The following RAF1 variants were observed in gnomAD, a reference collection of about 807,000 sequenced individuals.
RAF1 encodes Raf-1 proto-oncogene, serine/threonine kinase.
Under a neutral mutation model 81.1 loss-of-function variants are expected in RAF1, and 27 were observed. The observed-to-expected ratio is 0.33, with a 90% confidence interval of 0.25 to 0.46. The LOEUF is 0.46. Ranked by LOEUF, RAF1 falls within the 20% of genes least tolerant of loss-of-function variation. RAF1 has a pLI of 1.00. For synonymous variants in RAF1, 298 were observed against 294.0 expected (o/e 1.01, Z -0.14); for missense variants, 598 against 826.0 (o/e 0.72, Z 3.38).
chr3:12,611,820 CTT>C (rs1288652827), intron 3 of RAF1, 128 bp downstream of exon 3: 2 of 748,562 alleles, frequency 2.7e-6, no homozygotes, highest in East Asian at 2.6e-5. Flanking sequence ...TGAATTATCT[CTT>C]TATAAAGAAA....
intron 1 of RAF1, among the ~76,000 whole-genome samples, chr3:12,648,410 A>C (rs995813111): frequency 3.9e-5 from 6 of 152,284 alleles, no homozygotes; most frequent in African/African-American, 1.4e-4. Flanking sequence ...TTTCACAGTA[A>C]ATCTTGCATA....
chr3:12,636,770 G>A (rs1266480817), intron 1 of RAF1, among the ~76,000 whole-genome samples: 1 of 151,840 alleles, frequency 6.6e-6, no homozygotes, highest in African/African-American at 2.4e-5. Flanking sequence ...TCATGCCACT[G>A]CACTCCAGCC....
At chr3:12,638,810 C>T (rs975903541) in intron 1 of RAF1, among the ~76,000 whole-genome samples, 4 of 152,112 alleles carry the variant, frequency 2.6e-5, no homozygotes, top group Admixed American at 6.5e-5. Context: ...CTGAGATGGG[C>T]GGATCACCTG....
At chr3:12,590,192 T>C (rs777869700) in intron 13 of RAF1, 3 of 154,080 alleles carry the variant, frequency 1.9e-5, no homozygotes, top group South Asian at 2.0e-4. Flanking sequence ...CAGAAGGCAT[T>C]GCCACAGCTG....
intron 1 of RAF1, among the ~76,000 whole-genome samples, chr3:12,637,175 A>G (rs1437405827): frequency 6.6e-6 from 1 of 152,192 alleles, no homozygotes; most frequent in Admixed American, 6.5e-5. Flanking sequence ...TAAGTGTATT[A>G]TACTCACTAG....
Position 12,583,717 on chromosome 3 carries a change from GT to G in RAF1, c.*796del, listed in dbSNP as rs1439918467. 8.6e-6 allele frequency: 2 copies of G among 233,434 alleles called. No homozygotes were observed. The highest frequency in any genetic ancestry group is 4.4e-5 in the African/African-American group (2 of 45,342). The allele number at this position is 233,434 out of a possible 1,614,324, so 14.5% of individuals were successfully genotyped here. A position where few individuals can be genotyped will look rare whatever the true frequency, so the allele number is the denominator to read the frequency against. On this transcript the variant is annotated 3_prime_UTR_variant, in exon 18 of 18. Coordinates refer to ENST00000442415, the MANE Select transcript of RAF1 (RefSeq NM_001354689.3). ...AAAACCCAAATCATCAAGAAAACCTGTATTCCTGGCTTCCTTGTATACACAT... is the reference window on the plus strand; with the variant it reads ...AAAACCCAAATCATCAAGAAAACCTGATTCCTGGCTTCCTTGTATACACAT...
chr3:12,646,468 G>A (rs1264825346), intron 1 of RAF1, among the ~76,000 whole-genome samples: 1 of 152,098 alleles, frequency 6.6e-6, no homozygotes, highest in African/African-American at 2.4e-5. Flanking sequence ...TCTGCCTCCA[G>A]GTTCAAGTAA....
At chr3:12,621,060 A>G in intron 1 of RAF1, among the ~76,000 whole-genome samples, 1 of 152,260 alleles carries the variant, frequency 6.6e-6, no homozygotes, top group South Asian at 2.1e-4. Flanking sequence ...CCTCCTTCAG[A>G]AACTTGTTTT....
intron 1 of RAF1, among the ~76,000 whole-genome samples, chr3:12,645,108 A>AT (rs1302883667): frequency 6.6e-6 from 1 of 151,270 alleles, no homozygotes; most frequent in Admixed American, 6.6e-5. Context: ...AAAAAAAAAA[A>AT]AAAAAAAAAA....
At chr3:12,636,399 T>C (rs1317735258) in intron 1 of RAF1, among the ~76,000 whole-genome samples, 2 of 146,476 alleles carry the variant, frequency 1.4e-5, no homozygotes, top group African/African-American at 5.1e-5. Flanking sequence ...TTAAGCCCAG[T>C]AGTTCAAGAC....
chr3:12,650,485 A>G (rs984174498), intron 1 of RAF1, among the ~76,000 whole-genome samples: 3 of 152,348 alleles, frequency 2.0e-5, no homozygotes, highest in Non-Finnish European at 4.4e-5. Flanking sequence ...AACAATTACA[A>G]TATTTTCCTA....
At chr3:12,648,198 C>G (rs983510215) in intron 1 of RAF1, among the ~76,000 whole-genome samples, 1 of 149,284 alleles carries the variant, frequency 6.7e-6, no homozygotes, top group Non-Finnish European at 1.5e-5. Context: ...ATTCAAAGTA[C>G]ACCATTAACA....
In RAF1 at chr3:12,637,176, T is replaced by C. The variant is rs2125519414; in HGVS notation, c.-26-18429A>G. On this transcript the variant is annotated intron_variant, in intron 1 of 17. Transcript: ENST00000442415. ...ACTCGCTCAATTTTTAAGTGTATTATACTCACTAGTAAACCTGGGAACTAG... is the reference window on the plus strand; with the variant it reads ...ACTCGCTCAATTTTTAAGTGTATTACACTCACTAGTAAACCTGGGAACTAG... 1.3e-5 allele frequency among the ~76,000 whole-genome samples: 2 copies of C among 152,318 alleles called. 1 individual carries two copies. The highest frequency in any genetic ancestry group is 4.1e-4 in the South Asian group (2 of 4,820).
intron 1 of RAF1, among the ~76,000 whole-genome samples, chr3:12,622,885 G>T (rs1267634766): frequency 6.6e-6 from 1 of 152,050 alleles, no homozygotes; most frequent in Admixed American, 6.6e-5. Flanking sequence ...TTTGTCAGCC[G>T]GGCGCAGTTG....
Position 12,584,362 on chromosome 3 carries a change from C to G in RAF1, c.*152G>C, listed in dbSNP as rs569723403. The G allele has an allele frequency of 4.3e-6, 4 of 939,328 alleles. No homozygotes were observed. The African/African-American group carries it at 6.5e-5, about 15-fold the overall frequency. 58.2% of individuals were successfully genotyped at this position (939,328 alleles called of 1,614,324 possible). A position where few individuals can be genotyped will look rare whatever the true frequency, so the allele number is the denominator to read the frequency against. ...CCCAAAGGGATAGAAAAGAAGGCAACATGAAGTTAAGGCCCTGTGAGCAGT... is the reference window on the plus strand; with the variant it reads ...CCCAAAGGGATAGAAAAGAAGGCAAGATGAAGTTAAGGCCCTGTGAGCAGT... On this transcript the variant is annotated 3_prime_UTR_variant, in exon 18 of 18. Coordinates refer to ENST00000442415, the MANE Select transcript of RAF1 (RefSeq NM_001354689.3).
At chr3:12,615,778 G>A (rs1435153677) in intron 2 of RAF1, among the ~76,000 whole-genome samples, 1 of 152,186 alleles carries the variant, frequency 6.6e-6, no homozygotes, top group East Asian at 1.9e-4. Flanking sequence ...GCAGCCGGGT[G>A]CAGTGGCTCA....
chr3:12,587,517 TGATAG>T (rs1472186231), intron 14 of RAF1, 69 bp downstream of exon 13: 9 of 1,367,258 alleles, frequency 6.6e-6, no homozygotes, highest in Non-Finnish European at 8.4e-6. Context: ...GAGCCACTTG[TGATAG>T]AAAGCCTCCC....
At chr3:12,609,413 T>C in intron 3 of RAF1, 78 bp from the exon 4 acceptor site, 1 of 909,980 alleles carries the variant, frequency 1.1e-6, no homozygotes, top group Non-Finnish European at 1.8e-6. Flanking sequence ...CTACCATTTA[T>C]CACATGCCAT....
chr3:12,606,144 T>G, intron 6 of RAF1, 57 bp downstream of exon 6: 3 of 1,359,798 alleles, frequency 2.2e-6, no homozygotes, highest in Non-Finnish European at 3.1e-6. Context: ...TCTTCAAGCT[T>G]CCAACCCCAC....
Sources: allele counts gnomAD v4.1 joint callset (sites outside exome capture counted in the v4.1 genomes callset), GRCh38; gene constraint gnomAD v4.1.1; transcripts MANE v1.5; gene names NCBI Gene and HGNC (gene_info 2026-07-23, HGNC 2026-07-21).